CENPN: variants seen among roughly 807,000 people sequenced by gnomAD.
CENPN encodes the protein centromere protein N, also known as interphase centromere complex protein 32.
A neutral mutation model predicts 48.6 loss-of-function variants in CENPN; 36 were observed. That is an observed-to-expected ratio of 0.74 (90% CI 0.57 to 0.98). CENPN has a LOEUF of 0.98. CENPN is among the 50% of genes least tolerant of loss of function. The pLI, the probability that CENPN is intolerant of heterozygous loss-of-function variation, is 0.00. For synonymous variants in CENPN, 166 were observed against 135.2 expected, an observed-to-expected ratio of 1.23 and a Z score of -1.58; for missense variants, 439 against 399.2, an observed-to-expected ratio of 1.10 and a Z score of -0.85.
intron 1 of CENPN, among the ~76,000 whole-genome samples, chr16:81,009,244 G>A (rs1407439925): frequency 6.6e-6 from 1 of 152,198 alleles, no homozygotes; most frequent in African/African-American, 2.4e-5. Flanking sequence ...AATTAGCAGT[G>A]GAGAGTGGGG....
Position 81,029,991 on chromosome 16 carries a change from A to G in CENPN, c.*1340A>G, listed in dbSNP as rs1428698502. Among the ~76,000 whole-genome samples, 1 of 152,222 alleles carries G rather than the reference A, an allele frequency of 6.6e-6. No individual in the cohort carries two copies. Among genetic ancestry groups the G allele is most frequent in the Admixed American group, 6.5e-5 (1 of 15,288 alleles). ...TCATGGTGGAAGGCAAATGAGAAGC[A>G]AAGTCATGTCTTACATGGCGGCAGG... On this transcript the variant is annotated 3_prime_UTR_variant, in exon 11 of 11. Coordinates refer to ENST00000305850, the MANE Select transcript of CENPN (RefSeq NM_001100624.3).
chr16:81,025,689 CTCTTTTTTTTT>C (rs368945566), intron 8 of CENPN, among the ~76,000 whole-genome samples: 21,448 of 135,138 alleles, frequency 0.16, 3,019 homozygotes, highest in African/African-American at 0.3. Flanking sequence ...GACCCTGTCT[CTCTTTTTTTTT>C]TTTTTTTTTT....
chr16:81,021,372 T>C (rs1267265027), intron 6 of CENPN, among the ~76,000 whole-genome samples: 1 of 152,094 alleles, frequency 6.6e-6, no homozygotes, highest in Non-Finnish European at 1.5e-5. Flanking sequence ...CTGCTACCAC[T>C]GTTAGCATTC....
intron 9 of CENPN, among the ~76,000 whole-genome samples, chr16:81,026,971 A>C (rs1339756047): frequency 1.3e-5 from 2 of 150,192 alleles, no homozygotes; most frequent in East Asian, 3.9e-4. Context: ...TTTTTTTTGG[A>C]GTTTTAGTAG....
At chr16:81,016,874 G>C in intron 3 of CENPN, 1 of 173,936 alleles carries the variant, frequency 5.7e-6, no homozygotes. Flanking sequence ...GTTTGGGGTA[G>C]GGTGATCCGG....
At chr16:81,031,970 G>A (rs552041271), downstream of CENPN, among the ~76,000 whole-genome samples, 15 of 152,088 alleles carry the variant, frequency 9.9e-5, no homozygotes, top group Non-Finnish European at 1.9e-4. Flanking sequence ...AACTACTAGG[G>A]AAATTTCAGA....
rs1330708993 is a variant in CENPN at position 81,029,289 on chromosome 16, T to C, written c.*638T>C. 2.0e-5 allele frequency: 18 copies of C among 916,004 alleles called. No individual in the cohort carries two copies. Among genetic ancestry groups the C allele is most frequent in the Non-Finnish European group, 2.2e-5 (17 of 766,902 alleles). 56.7% of individuals were successfully genotyped at this position (916,004 alleles called of 1,614,324 possible). ...TCAAACTGACAAATATATTGACTTA[T>C]GAATAAAGGTGTCAAAAAACTGGCA... On this transcript the variant is annotated 3_prime_UTR_variant, in exon 11 of 11. Coordinates refer to ENST00000305850, the MANE Select transcript of CENPN (RefSeq NM_001100624.3).
downstream of CENPN, among the ~76,000 whole-genome samples, chr16:81,031,999 C>T (rs1378518804): frequency 6.6e-6 from 1 of 152,100 alleles, no homozygotes; most frequent in Admixed American, 6.5e-5. Context: ...TATTGAGGCA[C>T]AGAAAATGAT....
chr16:81,013,222 C>G (rs1969811900), intron 2 of CENPN, among the ~76,000 whole-genome samples: 1 of 152,176 alleles, frequency 6.6e-6, no homozygotes, highest in African/African-American at 2.4e-5. Context: ...TTCATAGATG[C>G]TAACATATGG....
At chr16:81,013,595 C>T (rs957516041) in intron 2 of CENPN, among the ~76,000 whole-genome samples, 2 of 152,170 alleles carry the variant, frequency 1.3e-5, no homozygotes, top group Non-Finnish European at 1.5e-5. Flanking sequence ...GTGGTGCACA[C>T]CTGTAATCCC....
intron 7 of CENPN, chr16:81,023,315 T>C (rs1970300137): frequency 6.0e-6 from 1 of 166,960 alleles, no homozygotes; most frequent in Admixed American, 5.9e-5. Context: ...GTTATACTTC[T>C]GTATTTTCAT....
intron 1 of CENPN, among the ~76,000 whole-genome samples, chr16:81,010,690 G>C (rs1040483459): frequency 3.3e-5 from 5 of 152,200 alleles, no homozygotes; most frequent in Admixed American, 6.5e-5. Context: ...CAGAATTACA[G>C]AATTCTTGAG....
intron 6 of CENPN, among the ~76,000 whole-genome samples, chr16:81,021,739 T>C (rs1016741952): frequency 6.6e-6 from 1 of 151,864 alleles, no homozygotes; most frequent in East Asian, 1.9e-4. Context: ...AGTTTAAACA[T>C]TACCCCAAAG....
intron 5 of CENPN, 70 bp from the exon 6 acceptor site, chr16:81,020,030 G>A: frequency 2.1e-6 from 3 of 1,413,960 alleles, no homozygotes; most frequent in Non-Finnish European, 2.9e-6. Flanking sequence ...CCCCTAATAA[G>A]CACCTGGAGT....
At chr16:81,013,814 A>G (rs9923948) in intron 2 of CENPN, among the ~76,000 whole-genome samples, 36,466 of 152,154 alleles carry the variant, frequency 0.24, 4,559 homozygotes, top group East Asian at 0.42. Flanking sequence ...GTGTATATTC[A>G]TAAGTCAAAA....
At chr16:81,013,334 T>C (rs1047145366) in intron 2 of CENPN, among the ~76,000 whole-genome samples, 1 of 152,188 alleles carries the variant, frequency 6.6e-6, no homozygotes, top group African/African-American at 2.4e-5. Context: ...CAAACAAATC[T>C]GTAATGACAG....
At chr16:81,017,510 CAAA>C (rs569896529) in intron 4 of CENPN, 125 bp downstream of exon 4, 10 of 570,058 alleles carry the variant, frequency 1.8e-5, no homozygotes, top group African/African-American at 3.9e-5. Context: ...ACTCTATATC[CAAA>C]AAAAAAAAAT....
rs1283513178 is a variant in CENPN at position 81,029,017 on chromosome 16, T to C, written c.*366T>C. On this transcript the variant is annotated 3_prime_UTR_variant, in exon 11 of 11. Transcript: ENST00000305850. ...GTCTCTTCTCAATTCTGGAGAGGTC[T>C]GGTTCCAGTGGCTGGTTTCCAGGGA... The C allele has an allele frequency of 4.4e-5, 44 of 992,668 alleles. No individual in the cohort carries two copies. The highest frequency in any genetic ancestry group is 5.3e-5 in the Non-Finnish European group (44 of 835,146). The allele number at this position is 992,668 out of a possible 1,614,324, so 61.5% of individuals were successfully genotyped here. A position where few individuals can be genotyped will look rare whatever the true frequency, so the allele number is the denominator to read the frequency against.
chr16:81,018,187 C>G (rs950700313), intron 5 of CENPN, among the ~76,000 whole-genome samples: 1 of 143,260 alleles, frequency 7.0e-6, no homozygotes, highest in East Asian at 2.0e-4. Flanking sequence ...TTTTTTTTTT[C>G]TTTCCTTGAG....
Sources: allele counts gnomAD v4.1 joint callset (sites outside exome capture counted in the v4.1 genomes callset), GRCh38; gene constraint gnomAD v4.1.1; transcripts MANE v1.5; gene names NCBI Gene and HGNC (gene_info 2026-07-23, HGNC 2026-07-21).